Variants in GPC5 observed in about 807,000 individuals in gnomAD.
GPC5 encodes glypican 5.
A neutral mutation model predicts 53.9 loss-of-function variants in GPC5; 47 were observed. The observed-to-expected ratio is 0.87, with a 90% CI of 0.69 to 1.11. GPC5 has a LOEUF of 1.11. GPC5 is among the 50% of genes most tolerant of loss of function. The probability of loss-of-function intolerance (pLI) is 0.00; values close to 1 mark genes in which losing one functional copy is unlikely to be tolerated. For missense variants in GPC5, 748 were observed against 713.1 expected (o/e 1.05, Z -0.56); for synonymous variants, 286 against 263.3 (o/e 1.09, Z -0.84).
rs559607106 is a variant in GPC5 at position 91,784,563 on chromosome 13, A to G, written c.1280+28143A>G. On this transcript the variant is annotated intron_variant, in intron 5 of 7. Coordinates refer to ENST00000377067, the MANE Select transcript of GPC5 (RefSeq NM_004466.6). ...AAGATGGAAAAACCTGGTCTCTACT[A>G]AAAATACAAAATTAGCCAGGCATGG... Among the ~76,000 whole-genome samples, 67 of 152,106 alleles carry G rather than the reference A, an allele frequency of 4.4e-4. 1 individual carries two copies. The highest frequency in any genetic ancestry group is 8.8e-4 in the Non-Finnish European group (60 of 68,008).
intron 6 of GPC5, among the ~76,000 whole-genome samples, chr13:92,111,318 TTTACTCATACCC>T (rs371269711): frequency 6.6e-6 from 1 of 152,108 alleles, no homozygotes; most frequent in African/African-American, 2.4e-5. Context: ...GAGATTTCTC[TTTACTCATACCC>T]ATGCCAAGTA....
intron 7 of GPC5, among the ~76,000 whole-genome samples, chr13:92,482,579 C>T (rs758345762): frequency 6.6e-6 from 1 of 152,102 alleles, no homozygotes; most frequent in Non-Finnish European, 1.5e-5. Flanking sequence ...TTTTTTCCCC[C>T]CTTAAATACT....
intron 1 of GPC5, among the ~76,000 whole-genome samples, chr13:91,412,839 T>C (rs7332464): frequency 0.2 from 31,000 of 152,144 alleles, 4,685 homozygotes; most frequent in African/African-American, 0.42. Context: ...GCCCAACTTA[T>C]AGGAACATAT....
At chr13:92,420,581 T>G (rs1253399136) in intron 7 of GPC5, among the ~76,000 whole-genome samples, 1 of 152,222 alleles carries the variant, frequency 6.6e-6, no homozygotes, top group East Asian at 1.9e-4. Flanking sequence ...ATACTAGATC[T>G]TATTCTTTCA....
At chr13:91,694,017 A>G in intron 3 of GPC5, 136 bp downstream of exon 3, 1 of 731,902 alleles carries the variant, frequency 1.4e-6, no homozygotes, top group Admixed American at 2.9e-5. Flanking sequence ...ATCTTATGAT[A>G]AAATTTTGAT....
chr13:92,319,539 T>G (rs193161602), intron 7 of GPC5, among the ~76,000 whole-genome samples: 1 of 152,248 alleles, frequency 6.6e-6, no homozygotes, highest in Non-Finnish European at 1.5e-5. Flanking sequence ...ATGATCCACT[T>G]AACACACCTA....
intron 7 of GPC5, among the ~76,000 whole-genome samples, chr13:92,753,634 A>G (rs2139329163): frequency 6.6e-6 from 1 of 152,290 alleles, no homozygotes; most frequent in Non-Finnish European, 1.5e-5. Flanking sequence ...GAAGTGCTTA[A>G]AGGAGCTGAT....
chr13:91,667,163 T>C (rs1172887274), intron 2 of GPC5, among the ~76,000 whole-genome samples: 3 of 152,188 alleles, frequency 2.0e-5, no homozygotes, highest in Non-Finnish European at 4.4e-5. Flanking sequence ...ATCATGTTGA[T>C]TGTGGTATTA....
chr13:92,819,856 CTG>C (rs1566431881), intron 7 of GPC5, among the ~76,000 whole-genome samples: 1 of 152,132 alleles, frequency 6.6e-6, no homozygotes, highest in African/African-American at 2.4e-5. Context: ...GATGTCAACT[CTG>C]AGCAACTTTC....
rs556605360 is a variant in GPC5 at position 92,670,170 on chromosome 13, G to T, written c.1562-196112G>T. On this transcript the variant is annotated intron_variant, in intron 7 of 7. Coordinates refer to ENST00000377067, the MANE Select transcript of GPC5 (RefSeq NM_004466.6). ...GTACGCATGTGTGAGGAGCCATGTG[G>T]AATGTAAATGGCAGCATACCAATGT... 5.9e-5 allele frequency among the ~76,000 whole-genome samples: 9 copies of T among 152,194 alleles called. No individual in the cohort carries two copies. In the East Asian group the frequency reaches 1.7e-3, roughly 29 times the overall value.
At chr13:92,461,095 A>C in intron 7 of GPC5, among the ~76,000 whole-genome samples, 1 of 152,150 alleles carries the variant, frequency 6.6e-6, no homozygotes, top group African/African-American at 2.4e-5. Flanking sequence ...TAAGAGCATC[A>C]GGAGAATAAA....
chr13:91,675,164 A>AAC (rs1198802774), intron 2 of GPC5, among the ~76,000 whole-genome samples: 1 of 140,050 alleles, frequency 7.1e-6, no homozygotes, highest in Non-Finnish European at 1.5e-5. Context: ...ACTCAGGGGA[A>AAC]AAAAAAACCT....
At chr13:92,747,950 A>G (rs1889279254) in intron 7 of GPC5, among the ~76,000 whole-genome samples, 1 of 152,212 alleles carries the variant, frequency 6.6e-6, no homozygotes, top group Admixed American at 6.5e-5. Flanking sequence ...ATTATTTTCC[A>G]CAGTTAAAAA....
chr13:91,577,722 A>T (rs1352587252), intron 2 of GPC5, among the ~76,000 whole-genome samples: 1 of 152,104 alleles, frequency 6.6e-6, no homozygotes, highest in African/African-American at 2.4e-5. Context: ...GTTACTATGG[A>T]CTTCTCAAAA....
chr13:91,405,098 A>G (rs1037939400), intron 1 of GPC5, among the ~76,000 whole-genome samples: 1 of 152,198 alleles, frequency 6.6e-6, no homozygotes, highest in Non-Finnish European at 1.5e-5. Flanking sequence ...AGTATTCTCT[A>G]CCATAAAGTC....
chr13:91,963,359 C>G (rs965473036), intron 6 of GPC5, among the ~76,000 whole-genome samples: 8 of 152,128 alleles, frequency 5.3e-5, no homozygotes, highest in Admixed American at 3.9e-4. Flanking sequence ...GTATTTCCCC[C>G]AAATTTTCAA....
At chr13:91,534,556 C>T (rs1009730362) in intron 2 of GPC5, among the ~76,000 whole-genome samples, 2 of 152,160 alleles carry the variant, frequency 1.3e-5, no homozygotes, top group African/African-American at 2.4e-5. Flanking sequence ...AAGTTAAATA[C>T]TCTGCATTGG....
At chr13:92,027,466 C>T (rs1011362757) in intron 6 of GPC5, among the ~76,000 whole-genome samples, 8 of 152,088 alleles carry the variant, frequency 5.3e-5, no homozygotes, top group Admixed American at 6.6e-5. Flanking sequence ...GTTAAAGTCA[C>T]GGTTTTCAAG....
intron 6 of GPC5, among the ~76,000 whole-genome samples, chr13:92,136,341 A>G (rs1252311304): frequency 6.6e-6 from 1 of 152,176 alleles, no homozygotes; most frequent in African/African-American, 2.4e-5. Context: ...ACATATATTT[A>G]TAATTGCATG....
Sources: gnomAD v4.1 joint callset for allele counts (sites outside exome capture counted in the v4.1 genomes callset) on GRCh38, gnomAD v4.1.1 for gene constraint, MANE v1.5 for transcripts, NCBI Gene and HGNC (gene_info 2026-07-23, HGNC 2026-07-21) for gene names.